CAMTA1: variants seen among roughly 807,000 people sequenced by gnomAD.
CAMTA1 encodes the protein calmodulin binding transcription activator 1.
CAMTA1 carries 27 observed loss-of-function variants against 170.9 expected under a neutral mutation model. That is an observed-to-expected ratio of 0.16 (90% CI 0.12 to 0.22). CAMTA1 has a LOEUF of 0.22. Among genes scored for constraint, CAMTA1 ranks in the 10% least tolerant of loss-of-function variants. The pLI is 1.00. For missense variants in CAMTA1, 1,619 were observed against 2,217.2 expected (o/e 0.73, Z 5.42); for synonymous variants, 833 against 891.5 (o/e 0.93, Z 1.17).
At chr1:7,564,795 G>T (rs17031140) in intron 6 of CAMTA1, among the ~76,000 whole-genome samples, 31,814 of 151,782 alleles carry the variant, frequency 0.21, 3,464 homozygotes, top group East Asian at 0.39. Context: ...ACAAGCAAAA[G>T]GCTGTGAGGA....
intron 4 of CAMTA1, among the ~76,000 whole-genome samples, chr1:7,236,442 T>A (rs1021204788): frequency 6.6e-5 from 10 of 152,218 alleles, no homozygotes; most frequent in African/African-American, 2.2e-4. Flanking sequence ...CTCCCCAAAG[T>A]ACTATGAGTT....
chr1:6,828,585 C>T (rs761246884), intron 3 of CAMTA1, among the ~76,000 whole-genome samples: 3 of 151,912 alleles, frequency 2.0e-5, no homozygotes, highest in East Asian at 1.9e-4. Flanking sequence ...CCACTGCACC[C>T]GGCCCCATCC....
intron 5 of CAMTA1, among the ~76,000 whole-genome samples, chr1:7,389,978 T>A (rs1351858298): frequency 1.3e-5 from 2 of 152,178 alleles, no homozygotes; most frequent in Non-Finnish European, 2.9e-5. Context: ...CCTTCCATTG[T>A]GATGCTGCAC....
rs1706142737 is a variant in CAMTA1, at chr1:7,050,433, C to T, written c.235-40871C>T. Among the ~76,000 whole-genome samples the T allele has an allele frequency of 6.6e-6, 1 of 152,144 alleles. No individual in the cohort carries two copies. The highest frequency in any genetic ancestry group is 2.4e-5 in the African/African-American group (1 of 41,432). On this transcript the variant is annotated intron_variant, in intron 3 of 22. Coordinates refer to ENST00000303635, the MANE Select transcript of CAMTA1 (RefSeq NM_015215.4). This position sits in a 1 kb window ranked among gnomAD's most constrained non-coding sequence, Gnocchi z 4.8. ...GGCCCACACTCTGGCTGCTCATTGC[C>T]ACTCTGGGTCCCGACCGGGTGTGGG...
chr1:7,216,256 G>T lies in CAMTA1; in HGVS notation c.303-33235G>T, dbSNP rs187809778. On this transcript the variant is annotated intron_variant, in intron 4 of 22. Transcript: ENST00000303635. This position sits in a 1 kb window ranked among gnomAD's most constrained non-coding sequence, Gnocchi z 4.0. ...GGGGGAAATCCTCCCCCATGATTCA[G>T]TCACCTCCCCCAGGCTCTTCCTCCA... 4.6e-5 allele frequency among the ~76,000 whole-genome samples: 7 copies of T among 152,278 alleles called. No homozygotes were observed. Among genetic ancestry groups the T allele is most frequent in the Admixed American group, 4.6e-4 (7 of 15,296 alleles).
chr1:6,913,981 TATC>T (rs1302161130), intron 3 of CAMTA1, among the ~76,000 whole-genome samples: 1 of 152,130 alleles, frequency 6.6e-6, no homozygotes. Flanking sequence ...TCTTCACTCA[TATC>T]ATCTCGTACT....
intron 11 of CAMTA1, among the ~76,000 whole-genome samples, chr1:7,729,203 A>G (rs1577238642): frequency 6.8e-6 from 1 of 146,182 alleles, no homozygotes; most frequent in East Asian, 2.0e-4. Context: ...TGTAACCTCC[A>G]CCTCCTGAGT....
chr1:7,362,342 T>C (rs1315199662), intron 5 of CAMTA1, among the ~76,000 whole-genome samples: 1 of 151,174 alleles, frequency 6.6e-6, no homozygotes, highest in Non-Finnish European at 1.5e-5. Flanking sequence ...AATAGGATTA[T>C]TGGACTTGGG....
At chr1:6,843,619 A>G (rs985433490) in intron 3 of CAMTA1, among the ~76,000 whole-genome samples, 1 of 152,196 alleles carries the variant, frequency 6.6e-6, no homozygotes, top group African/African-American at 2.4e-5. Context: ...AGCTGGGATT[A>G]CAGGCACGCA....
At chr1:7,362,024 C>A (rs1557589671) in intron 5 of CAMTA1, among the ~76,000 whole-genome samples, 1 of 152,242 alleles carries the variant, frequency 6.6e-6, no homozygotes, top group Non-Finnish European at 1.5e-5. Context: ...AGAAAACCAA[C>A]CCTGAAAATT....
chr1:7,488,502 C>T (rs540432940), intron 6 of CAMTA1, among the ~76,000 whole-genome samples: 5 of 152,248 alleles, frequency 3.3e-5, no homozygotes, highest in East Asian at 1.9e-4. Context: ...TACACACACA[C>T]GCACATACAC....
chr1:7,075,312 A>G (rs34348814), intron 3 of CAMTA1, among the ~76,000 whole-genome samples: 25,412 of 152,220 alleles, frequency 0.17, 2,548 homozygotes, highest in South Asian at 0.26. Context: ...GAACACATAT[A>G]CATATATTCA....
At chr1:6,879,787 A>AT (rs760715822) in intron 3 of CAMTA1, among the ~76,000 whole-genome samples, 3,983 of 130,002 alleles carry the variant, frequency 0.031, 160 homozygotes, top group African/African-American at 0.096. Context: ...GCTGCGCCTA[A>AT]TTTTTTTTTT....
At chr1:7,225,467 G>T (rs868560761) in intron 4 of CAMTA1, among the ~76,000 whole-genome samples, 1 of 152,118 alleles carries the variant, frequency 6.6e-6, no homozygotes, top group Non-Finnish European at 1.5e-5. Context: ...CCTTTTCTCC[G>T]AGTGGCCCTG....
chr1:7,179,259 A>G (rs994773104), intron 4 of CAMTA1, among the ~76,000 whole-genome samples: 8 of 152,232 alleles, frequency 5.3e-5, no homozygotes, highest in African/African-American at 1.9e-4. Flanking sequence ...CACAGGAACC[A>G]CCTTTATAAA....
intron 6 of CAMTA1, among the ~76,000 whole-genome samples, chr1:7,546,100 C>T (rs1468368843): frequency 6.6e-6 from 1 of 152,024 alleles, no homozygotes; most frequent in African/African-American, 2.4e-5. Context: ...GGACTACAGG[C>T]ACCTGCCACC....
intron 3 of CAMTA1, among the ~76,000 whole-genome samples, chr1:7,027,054 T>C (rs1702119955): frequency 6.6e-6 from 1 of 152,166 alleles, no homozygotes; most frequent in South Asian, 2.1e-4. Flanking sequence ...TGGGCTGGAC[T>C]CCTTCCCTGG....
At chr1:7,649,374 G>A (rs1242099359) in intron 7 of CAMTA1, among the ~76,000 whole-genome samples, 3 of 152,222 alleles carry the variant, frequency 2.0e-5, no homozygotes, top group Admixed American at 2.0e-4. Context: ...GGGGGTTCCT[G>A]GAGAGGATTT....
intron 11 of CAMTA1, among the ~76,000 whole-genome samples, chr1:7,678,491 G>A (rs765734499): frequency 9.2e-5 from 14 of 152,230 alleles, no homozygotes; most frequent in Non-Finnish European, 1.2e-4. Flanking sequence ...GTGAGTGTTG[G>A]TGGTTCCCCT....
Sources: gnomAD v4.1 joint callset for allele counts (sites outside exome capture counted in the v4.1 genomes callset) on GRCh38, gnomAD v4.1.1 for gene constraint, Gnocchi (gnomAD v3.1) non-coding constraint, MANE v1.5 for transcripts, NCBI Gene and HGNC (gene_info 2026-07-23, HGNC 2026-07-21) for gene names.